Variants in RPS6KA2 observed in about 807,000 individuals in gnomAD.
RPS6KA2 encodes the protein ribosomal protein S6 kinase A2.
A neutral mutation model predicts 91.8 loss-of-function variants in RPS6KA2; 42 were observed. The ratio of observed to expected loss-of-function variants is 0.46; its 90% CI spans 0.36 to 0.59. The LOEUF is 0.59. Ranked by LOEUF, RPS6KA2 falls within the 20% of genes least tolerant of loss-of-function variation. The pLI is 0.00. For missense variants in RPS6KA2, 798 were observed against 978.5 expected (o/e 0.82, Z 2.46); for synonymous variants, 414 against 393.6 (o/e 1.05, Z -0.61).
Position 166,612,504 on chromosome 6 carries a change from C to A in RPS6KA2, c.99+14417G>T, listed in dbSNP as rs980249923. ...CGCGGGCTTGCAACCAGGCACTCTT[C>A]CTCTCTCCCTCCATGACAGACCAGG... On this transcript the variant is annotated intron_variant, in intron 1 of 20. Transcript: ENST00000265678. This position sits in a 1 kb window ranked among gnomAD's most constrained non-coding sequence, Gnocchi z 4.3. 6.6e-6 allele frequency among the ~76,000 whole-genome samples: 1 copy of A among 152,138 alleles called. No homozygotes were observed. Among genetic ancestry groups the A allele is most frequent in the Non-Finnish European group, 1.5e-5 (1 of 68,038 alleles).
chr6:166,743,853 G>A (rs1790892246), intron 2 of RPS6KA2, among the ~76,000 whole-genome samples: 1 of 151,816 alleles, frequency 6.6e-6, no homozygotes, highest in Non-Finnish European at 1.5e-5. Flanking sequence ...GCTTTGGCTG[G>A]TGGTCAGTGC....
chr6:166,449,874 C>G (rs62438441), intron 13 of RPS6KA2, among the ~76,000 whole-genome samples: 35,032 of 122,602 alleles, frequency 0.29, 4,390 homozygotes, highest in Middle Eastern at 0.41. Flanking sequence ...AACCACCACG[C>G]GGACCACCAT....
At chr6:166,776,744 C>G (rs1778631445) in intron 2 of RPS6KA2, among the ~76,000 whole-genome samples, 1 of 152,222 alleles carries the variant, frequency 6.6e-6, no homozygotes, top group South Asian at 2.1e-4. Flanking sequence ...TCAACGCTTC[C>G]TTCCCTTTAG....
chr6:166,623,292 CT>C (rs1786711203), intron 1 of RPS6KA2, among the ~76,000 whole-genome samples: 1 of 152,212 alleles, frequency 6.6e-6, no homozygotes, highest in African/African-American at 2.4e-5. Context: ...TGTACATTCC[CT>C]GTTGGAAGAA....
intron 3 of RPS6KA2, among the ~76,000 whole-genome samples, chr6:166,522,260 T>C (rs971754809): frequency 8.5e-5 from 13 of 152,252 alleles, no homozygotes; most frequent in African/African-American, 2.7e-4. Flanking sequence ...TTAAATTAAA[T>C]GCAATTCTGT....
At chr6:166,606,140 G>A (rs1562337258) in intron 1 of RPS6KA2, among the ~76,000 whole-genome samples, 1 of 152,162 alleles carries the variant, frequency 6.6e-6, no homozygotes, top group Non-Finnish European at 1.5e-5. Flanking sequence ...TCCAACTCCT[G>A]CCCTTATGAA....
intron 2 of RPS6KA2, among the ~76,000 whole-genome samples, chr6:166,810,786 C>A (rs996283504): frequency 6.6e-6 from 1 of 152,230 alleles, no homozygotes; most frequent in Non-Finnish European, 1.5e-5. Flanking sequence ...GGACACATGT[C>A]AATTTCCTGC....
chr6:166,712,783 C>T (rs1440861209), intron 2 of RPS6KA2, among the ~76,000 whole-genome samples: 1 of 152,230 alleles, frequency 6.6e-6, no homozygotes, highest in Non-Finnish European at 1.5e-5. Context: ...GCGCCCCCTT[C>T]TAGATGTTGC....
intron 1 of RPS6KA2, among the ~76,000 whole-genome samples, chr6:166,625,171 G>C (rs1007752831): frequency 2.0e-5 from 3 of 152,098 alleles, no homozygotes; most frequent in African/African-American, 7.2e-5. Flanking sequence ...CACCTAGTAC[G>C]GGATCTGGCA....
intron 1 of RPS6KA2, among the ~76,000 whole-genome samples, chr6:166,577,745 C>T (rs1784880840): frequency 6.6e-6 from 1 of 152,142 alleles, no homozygotes; most frequent in East Asian, 1.9e-4. Flanking sequence ...TAAGTTAAGA[C>T]TTTGGGGGAC....
At chr6:166,579,804 AATTTT>A (rs939322399) in intron 1 of RPS6KA2, among the ~76,000 whole-genome samples, 11 of 152,200 alleles carry the variant, frequency 7.2e-5, no homozygotes, top group African/African-American at 2.7e-4. Context: ...ACATTATTGA[AATTTT>A]ATCTCTAAAG....
chr6:166,725,441 G>C (rs1034308162), intron 2 of RPS6KA2, among the ~76,000 whole-genome samples: 1 of 152,186 alleles, frequency 6.6e-6, no homozygotes, highest in Non-Finnish European at 1.5e-5. Context: ...GCCTCTGGTC[G>C]CCACCCCTCA....
intron 2 of RPS6KA2, among the ~76,000 whole-genome samples, chr6:166,718,908 A>C (rs911882587): frequency 2.0e-4 from 30 of 152,366 alleles, no homozygotes; most frequent in Admixed American, 3.9e-4. Flanking sequence ...TCTAACCATT[A>C]GATTTTTTCT....
intron 2 of RPS6KA2, among the ~76,000 whole-genome samples, chr6:166,747,383 T>C (rs1486880631): frequency 6.6e-6 from 1 of 152,204 alleles, no homozygotes; most frequent in South Asian, 2.1e-4. Flanking sequence ...TCAAGGATTG[T>C]CAGGAGCACT....
rs1205042423 is a variant in RPS6KA2 at position 166,459,619 on chromosome 6, CAGA to C, written c.973-71_973-69del. 2.0e-5 allele frequency: 22 copies of C among 1,108,024 alleles called. No homozygotes were observed. In the African/African-American group the frequency reaches 3.2e-4, roughly 16 times the overall value. The allele number at this position is 1,108,024 out of a possible 1,614,324, so 68.6% of individuals were successfully genotyped here. ...AGACATTGCCACAGAACACTGGGGA[CAGA>C]GAAACCTGCTGTGGGGAGGGAAGGA... is the stretch of plus-strand genomic sequence containing the variant. On this transcript the variant is annotated intron_variant, in intron 11 of 20. Coordinates refer to ENST00000265678, the MANE Select transcript of RPS6KA2 (RefSeq NM_021135.6). The surrounding 1 kb of genome is among the most constrained non-coding windows in gnomAD (Gnocchi z 4.9).
intron 2 of RPS6KA2, among the ~76,000 whole-genome samples, chr6:166,641,521 C>A (rs1371842601): frequency 6.6e-6 from 1 of 151,430 alleles, no homozygotes; most frequent in Non-Finnish European, 1.5e-5. Flanking sequence ...GTCAGGAGTT[C>A]AAGACCAGCC....
chr6:166,798,706 A>G (rs773675020), intron 2 of RPS6KA2, among the ~76,000 whole-genome samples: 35 of 61,640 alleles, frequency 5.7e-4, no homozygotes, highest in Non-Finnish European at 1.7e-3. Context: ...CTCTTTCCCA[A>G]AAGTGATCTG....
chr6:166,420,015 A>G (rs899426853), intron 17 of RPS6KA2, 57 bp from the exon 18 acceptor site: 1 of 1,523,592 alleles, frequency 6.6e-7, no homozygotes, highest in South Asian at 1.1e-5. Flanking sequence ...TCAGATTGAC[A>G]GCACGTTTCT....
Position 166,474,804 on chromosome 6 carries a change from C to T in RPS6KA2, c.908-4899G>A, listed in dbSNP as rs902132499. ...ACACCCAGGGTCTAGCCCTACAAAG[C>T]CTGTTCAGCAGAAGCATCACCCACA... On this transcript the variant is annotated intron_variant, in intron 10 of 20. Coordinates refer to ENST00000265678, the MANE Select transcript of RPS6KA2 (RefSeq NM_021135.6). Among the ~76,000 whole-genome samples, 5 of 152,114 alleles carry T rather than the reference C, an allele frequency of 3.3e-5. No homozygotes were observed. The East Asian group carries it at 9.6e-4, about 29-fold the overall frequency.
Sources: gnomAD v4.1 joint callset for allele counts (sites outside exome capture counted in the v4.1 genomes callset) on GRCh38, gnomAD v4.1.1 for gene constraint, Gnocchi (gnomAD v3.1) non-coding constraint, MANE v1.5 for transcripts, NCBI Gene and HGNC (gene_info 2026-07-23, HGNC 2026-07-21) for gene names.